Variants in NALCN observed in about 807,000 individuals in gnomAD.
NALCN encodes sodium leak channel NALCN.
NALCN carries 111 observed loss-of-function variants against 225.3 expected under a neutral mutation model. The observed-to-expected ratio is 0.49, with a 90% CI of 0.42 to 0.58. The LOEUF (loss-of-function observed/expected upper bound fraction) is 0.58, where lower values mean the gene tolerates loss of function less well. Ranked by LOEUF, NALCN falls within the 20% of genes least tolerant of loss-of-function variation. NALCN has a pLI of 0.00. For missense variants in NALCN, 1,378 were observed against 2,202.4 expected, an observed-to-expected ratio of 0.63 and a Z score of 7.49; for synonymous variants, 764 against 769.0, an observed-to-expected ratio of 0.99 and a Z score of 0.11.
chr13:101,150,469 C>T (rs905238139), intron 15 of NALCN, among the ~76,000 whole-genome samples: 5 of 152,138 alleles, frequency 3.3e-5, no homozygotes, highest in African/African-American at 7.2e-5. Context: ...AAAACTTTGA[C>T]GTCTTTCCCA....
intron 18 of NALCN, chr13:101,116,807 T>C (rs1053734951): frequency 1.3e-5 from 5 of 389,306 alleles, no homozygotes; most frequent in Admixed American, 3.1e-5. Flanking sequence ...GTTAATGTAA[T>C]GTAATCACAT....
chr13:101,137,347 G>T (rs912664691), intron 17 of NALCN, among the ~76,000 whole-genome samples: 2 of 151,796 alleles, frequency 1.3e-5, no homozygotes, highest in African/African-American at 4.8e-5. Context: ...ATGAAAACAG[G>T]CTGTGTTCGT....
intron 7 of NALCN, among the ~76,000 whole-genome samples, chr13:101,344,472 A>G (rs1235980601): frequency 6.6e-6 from 1 of 152,198 alleles, no homozygotes; most frequent in African/African-American, 2.4e-5. Context: ...TAAAAGCTGT[A>G]ACTTTATGGT....
intron 20 of NALCN, 86 bp from the exon 21 acceptor site, chr13:101,107,875 A>G (rs2035221682): frequency 5.0e-6 from 4 of 792,320 alleles, no homozygotes; most frequent in Non-Finnish European, 7.6e-6. Context: ...TAAAACTAAT[A>G]TCTCCCTCAA....
At chr13:101,286,465 A>G (rs1370322807) in intron 9 of NALCN, among the ~76,000 whole-genome samples, 5 of 152,184 alleles carry the variant, frequency 3.3e-5, no homozygotes, top group Non-Finnish European at 7.3e-5. Context: ...ATGCTAGTCT[A>G]CAAGGTGACT....
intron 1 of NALCN, among the ~76,000 whole-genome samples, chr13:101,400,727 G>T (rs1281660560): frequency 6.6e-6 from 1 of 152,078 alleles, no homozygotes; most frequent in Non-Finnish European, 1.5e-5. Context: ...ACCTGGGCAG[G>T]TATCTCTGCC....
intron 6 of NALCN, among the ~76,000 whole-genome samples, chr13:101,374,634 A>G (rs544470421): frequency 2.0e-5 from 3 of 152,270 alleles, no homozygotes; most frequent in Non-Finnish European, 2.9e-5. Flanking sequence ...CCTTCTAAAT[A>G]AAAATAAAAT....
At chr13:101,288,127 T>C (rs2043408862) in intron 9 of NALCN, among the ~76,000 whole-genome samples, 1 of 152,210 alleles carries the variant, frequency 6.6e-6, no homozygotes, top group Admixed American at 6.5e-5. Flanking sequence ...AATAATATAT[T>C]CAATGATGCA....
intron 13 of NALCN, among the ~76,000 whole-genome samples, chr13:101,192,360 T>C (rs1019377325): frequency 1.3e-5 from 2 of 152,212 alleles, no homozygotes; most frequent in Non-Finnish European, 2.9e-5. Context: ...GTTAATTTTT[T>C]TCCTTTCAGC....
At chr13:101,350,538 T>C (rs2045878362) in intron 6 of NALCN, among the ~76,000 whole-genome samples, 1 of 152,202 alleles carries the variant, frequency 6.6e-6, no homozygotes, top group Non-Finnish European at 1.5e-5. Context: ...TGTGTGGTCA[T>C]CTGTTCATTG....
intron 10 of NALCN, among the ~76,000 whole-genome samples, chr13:101,280,392 G>A (rs1216221806): frequency 6.6e-6 from 1 of 152,074 alleles, no homozygotes; most frequent in African/African-American, 2.4e-5. Flanking sequence ...TACACTTCAA[G>A]CCCAACATCT....
intron 18 of NALCN, among the ~76,000 whole-genome samples, chr13:101,112,199 A>C (rs1204878378): frequency 1.3e-5 from 2 of 151,760 alleles, no homozygotes; most frequent in Admixed American, 6.6e-5. Flanking sequence ...ACAGTTCAAA[A>C]AAAAAAAAAA....
intron 17 of NALCN, among the ~76,000 whole-genome samples, chr13:101,128,869 G>C (rs2036372314): frequency 6.6e-6 from 1 of 152,050 alleles, no homozygotes; most frequent in Middle Eastern, 3.2e-3. Context: ...AGCCAAGAGA[G>C]AGTCTGGATT....
intron 7 of NALCN, among the ~76,000 whole-genome samples, chr13:101,311,088 T>C (rs1171410548): frequency 2.6e-5 from 4 of 151,476 alleles, no homozygotes; most frequent in Non-Finnish European, 4.4e-5. Flanking sequence ...CCCTCGTAAG[T>C]TGGATTGCTA....
intron 7 of NALCN, among the ~76,000 whole-genome samples, chr13:101,305,350 T>C (rs2044120683): frequency 6.6e-6 from 1 of 152,218 alleles, no homozygotes; most frequent in Non-Finnish European, 1.5e-5. Context: ...CGTAATTCTC[T>C]TATAGTTGAA....
chr13:101,371,119 T>C (rs554759772), intron 6 of NALCN, among the ~76,000 whole-genome samples: 347 of 152,344 alleles, frequency 2.3e-3, no homozygotes, highest in Non-Finnish European at 4.0e-3. Context: ...CAGTATTTAT[T>C]ATATGGATAT....
At chr13:101,254,370 C>CTAAA (rs2042153177) in intron 11 of NALCN, among the ~76,000 whole-genome samples, 1 of 68,062 alleles carries the variant, frequency 1.5e-5, no homozygotes, top group Non-Finnish European at 2.5e-5. Context: ...GGGACTGTCT[C>CTAAA]AAAAAAAAAA....
At chr13:101,079,977 G>A (rs145932947) in intron 34 of NALCN, among the ~76,000 whole-genome samples, 4 of 152,242 alleles carry the variant, frequency 2.6e-5, no homozygotes, top group African/African-American at 4.8e-5. Flanking sequence ...GGGAAAAACC[G>A]ATAATATTCC....
intron 34 of NALCN, among the ~76,000 whole-genome samples, chr13:101,080,278 C>A (rs2033538828): frequency 6.6e-6 from 1 of 152,024 alleles, no homozygotes; most frequent in African/African-American, 2.4e-5. Flanking sequence ...CCACATGGAA[C>A]CACATGTGGT....
Sources: allele counts gnomAD v4.1 joint callset (sites outside exome capture counted in the v4.1 genomes callset), GRCh38; gene constraint gnomAD v4.1.1; transcripts MANE v1.5; gene names NCBI Gene and HGNC (gene_info 2026-07-23, HGNC 2026-07-21).